Variants in MITF observed in about 807,000 individuals in gnomAD.
The protein encoded by MITF is melanocyte inducing transcription factor, also known as microphthalmia-associated transcription factor.
A neutral mutation model predicts 60.5 loss-of-function variants in MITF; 17 were observed. That is an observed-to-expected ratio of 0.28 (90% CI 0.19 to 0.42). The LOEUF (loss-of-function observed/expected upper bound fraction) is 0.42, where lower values mean the gene tolerates loss of function less well. Ranked by LOEUF, MITF falls within the 10% of genes least tolerant of loss-of-function variation. The probability of loss-of-function intolerance (pLI) is 1.00; values close to 1 mark genes in which losing one functional copy is unlikely to be tolerated. For missense variants in MITF, 622 were observed against 683.5 expected, an observed-to-expected ratio of 0.91 and a Z score of 1.00; for synonymous variants, 260 against 248.5, an observed-to-expected ratio of 1.05 and a Z score of -0.43.
intron 1 of MITF, among the ~76,000 whole-genome samples, chr3:69,809,269 G>T (rs2063062946): frequency 6.6e-6 from 1 of 152,138 alleles, no homozygotes; most frequent in South Asian, 2.1e-4. Context: ...GTTTTAAGTT[G>T]TTAGGCAAGA....
chr3:69,887,797 A>G lies in MITF; in HGVS notation c.354+8414A>G, dbSNP rs187718138. ...GGAAGCGGTGGTGGTCAAAGGCTTT[A>G]TCATTATTATTATGATTTTTACTAG... On this transcript the variant is annotated intron_variant, in intron 2 of 9. Coordinates refer to ENST00000352241, the MANE Select transcript of MITF (RefSeq NM_001354604.2). 3.6e-3 allele frequency among the ~76,000 whole-genome samples: 545 copies of G among 152,144 alleles called. 1 individual carries two copies. The highest frequency in any genetic ancestry group is 0.012 in the African/African-American group (490 of 41,550).
At chr3:69,891,469 C>T (rs1017453002) in intron 2 of MITF, among the ~76,000 whole-genome samples, 2 of 152,154 alleles carry the variant, frequency 1.3e-5, no homozygotes, top group Admixed American at 6.5e-5. Context: ...CCTGCGACCT[C>T]GTTAGAAATA....
At chr3:69,793,625 A>G (rs2062781546) in intron 1 of MITF, among the ~76,000 whole-genome samples, 1 of 123,888 alleles carries the variant, frequency 8.1e-6, no homozygotes, top group Non-Finnish European at 1.9e-5. Context: ...CCTGTTGAGA[A>G]CCACTCCTAT....
chr3:69,865,259 A>G (rs935254439), intron 1 of MITF, among the ~76,000 whole-genome samples: 4 of 152,158 alleles, frequency 2.6e-5, no homozygotes, highest in Admixed American at 1.3e-4. Context: ...TTATTTTCCA[A>G]CCATTTACTT....
Position 69,965,722 on chromosome 3 carries a change from T to C in MITF, c.*474T>C, listed in dbSNP as rs2066674694. ...CTTTTCCATTTTATAAATGTATTGATTCATTGGTACTGCCTTAAAGATACA... is the reference window on the plus strand; with the variant it reads ...CTTTTCCATTTTATAAATGTATTGACTCATTGGTACTGCCTTAAAGATACA... On this transcript the variant is annotated 3_prime_UTR_variant, in exon 10 of 10. Transcript: ENST00000352241. 4.1e-6 allele frequency: 1 copy of C among 243,078 alleles called. No individual in the cohort carries two copies. Among genetic ancestry groups the C allele is most frequent in the East Asian group, 5.9e-5 (1 of 16,890 alleles). The allele number at this position is 243,078 out of a possible 1,614,324, so 15.1% of individuals were successfully genotyped here. A position where few individuals can be genotyped will look rare whatever the true frequency, so the allele number is the denominator to read the frequency against.
rs757830956 is a variant in MITF, at chr3:69,941,290, A to G, written c.721A>G (p.Ile241Val). The change falls in exon 5 of 10, where the codon ATC becomes GTC. Residue 241 changes from isoleucine (I) to valine (V), a missense_variant. Physicochemically the swap from Ile to Val is conservative, Grantham distance 29 (BLOSUM62 3). Transcript: ENST00000352241. ...ISLESSYNEE[I>V]LGLMDPALQM... ...CCTAGAATCAAGTTATAATGAGGAA[A>G]TCTTGGGCTTGATGGATCCTGCTTT... is the stretch of plus-strand genomic sequence containing the variant. 6.2e-7 allele frequency: 1 copy of G among 1,613,400 alleles called. No individual in the cohort carries two copies.
intron 1 of MITF, among the ~76,000 whole-genome samples, chr3:69,839,274 C>A (rs1374125392): frequency 6.6e-6 from 1 of 151,316 alleles, no homozygotes; most frequent in Non-Finnish European, 1.5e-5. Context: ...TACAAATGAG[C>A]TTTGTAGTGA....
intron 1 of MITF, among the ~76,000 whole-genome samples, chr3:69,816,331 G>T (rs537045340): frequency 6.6e-6 from 1 of 152,236 alleles, no homozygotes. Context: ...TGCTGCTCAG[G>T]TTCCTTCTCT....
intron 1 of MITF, among the ~76,000 whole-genome samples, chr3:69,849,263 C>T (rs62253174): frequency 0.15 from 22,839 of 152,070 alleles, 2,093 homozygotes; most frequent in South Asian, 0.21. Context: ...CGCGCCCGGC[C>T]GGGCAAAGAT....
At chr3:69,791,199 G>T (rs1008382900) in intron 1 of MITF, among the ~76,000 whole-genome samples, 3 of 152,194 alleles carry the variant, frequency 2.0e-5, no homozygotes, top group Admixed American at 2.0e-4. Flanking sequence ...TCTAAAGCCA[G>T]TTTGCTAATC....
intron 1 of MITF, chr3:69,778,671 A>G (rs911410671): frequency 1.4e-4 from 21 of 152,230 alleles, no homozygotes; most frequent in African/African-American, 5.1e-4. Flanking sequence ...ATTAACATAT[A>G]CAGTATGAAG....
intron 1 of MITF, among the ~76,000 whole-genome samples, chr3:69,836,483 C>T (rs536486560): frequency 9.2e-5 from 14 of 152,252 alleles, no homozygotes; most frequent in East Asian, 1.9e-4. Flanking sequence ...TAGTACCTGG[C>T]GTTGAGTAGG....
chr3:69,745,969 G>T (rs1440235880), intron 1 of MITF, among the ~76,000 whole-genome samples: 1 of 152,204 alleles, frequency 6.6e-6, no homozygotes, highest in Non-Finnish European at 1.5e-5. Flanking sequence ...TACTATGGTA[G>T]CAGTTTTTAC....
intron 1 of MITF, among the ~76,000 whole-genome samples, chr3:69,843,263 A>T (rs1433926457): frequency 6.6e-6 from 1 of 152,210 alleles, no homozygotes; most frequent in Non-Finnish European, 1.5e-5. Context: ...TTGAGAAATC[A>T]TTTCCAAAGT....
At chr3:69,744,716 C>G (rs1193038562) in intron 1 of MITF, among the ~76,000 whole-genome samples, 2 of 152,190 alleles carry the variant, frequency 1.3e-5, no homozygotes, top group Non-Finnish European at 2.9e-5. Context: ...TTCTCTAAGG[C>G]AAGTGTTGTT....
At chr3:69,823,173 T>G (rs957766623) in intron 1 of MITF, among the ~76,000 whole-genome samples, 15 of 152,304 alleles carry the variant, frequency 9.8e-5, no homozygotes, top group Admixed American at 9.8e-4. Flanking sequence ...ACCGCTGCAC[T>G]CGGCCTCATC....
rs2066728001 is a variant in MITF, at chr3:69,967,834, CCG to C, written c.*2587_*2588del. ...ATGATCCACACCACTCCCCCGATTC[CCG>C]GGTGCAGAATTGTAACTCGGGGTTG... On this transcript the variant is annotated 3_prime_UTR_variant, in exon 10 of 10. Coordinates refer to ENST00000352241, the MANE Select transcript of MITF (RefSeq NM_001354604.2). 1 of 233,098 alleles carries C rather than the reference CCG, an allele frequency of 4.3e-6. No homozygotes were observed. Among genetic ancestry groups the C allele is most frequent in the Non-Finnish European group, 8.5e-6 (1 of 117,956 alleles). The allele number at this position is 233,098 out of a possible 1,614,324, so 14.4% of individuals were successfully genotyped here.
intron 1 of MITF, among the ~76,000 whole-genome samples, chr3:69,813,920 C>G (rs1289798282): frequency 1.3e-5 from 2 of 152,044 alleles, no homozygotes; most frequent in African/African-American, 4.8e-5. Flanking sequence ...AATGGAGGGC[C>G]ACTAGGTGTT....
chr3:69,750,491 C>CTA (rs1350001078), intron 1 of MITF, among the ~76,000 whole-genome samples: 3 of 109,842 alleles, frequency 2.7e-5, no homozygotes, highest in Non-Finnish European at 5.2e-5. Flanking sequence ...TTTTTTTTAA[C>CTA]TAAATGTATT....
Sources: gnomAD v4.1 joint callset for allele counts (sites outside exome capture counted in the v4.1 genomes callset) on GRCh38, gnomAD v4.1.1 for gene constraint, MANE v1.5 for transcripts, NCBI Gene and HGNC (gene_info 2026-07-23, HGNC 2026-07-21) for gene names.